The following SAXO1 variants were observed in gnomAD, a reference collection of about 807,000 sequenced individuals.
The protein encoded by SAXO1 is stabilizer of axonemal microtubules 1.
In SAXO1, 21 loss-of-function variants were observed where a neutral mutation model predicts 17.5. That is an observed-to-expected ratio of 1.20 (90% CI 0.85 to 1.72). The LOEUF (loss-of-function observed/expected upper bound fraction) is 1.72, where lower values mean the gene tolerates loss of function less well. Ranked by LOEUF, SAXO1 falls within the 40% of genes most tolerant of loss-of-function variation. The pLI is 0.00. For synonymous variants in SAXO1, 274 were observed against 216.5 expected, an observed-to-expected ratio of 1.27 and a Z score of -2.33; for missense variants, 843 against 596.0, an observed-to-expected ratio of 1.41 and a Z score of -4.32.
At chr9:19,015,173 G>T (rs896475670) in intron 1 of SAXO1, among the ~76,000 whole-genome samples, 4 of 152,028 alleles carry the variant, frequency 2.6e-5, no homozygotes, top group Admixed American at 6.6e-5. Context: ...AAAAAGATTT[G>T]CAAGTCTTAA....
At chr9:19,030,149 G>C (rs187392858) in intron 1 of SAXO1, among the ~76,000 whole-genome samples, 2 of 152,108 alleles carry the variant, frequency 1.3e-5, no homozygotes, top group East Asian at 1.9e-4. Context: ...CAGGAGGAGG[G>C]AACATAGGTA....
At chr9:19,044,968 G>C (rs1836172315) in intron 1 of SAXO1, among the ~76,000 whole-genome samples, 1 of 152,100 alleles carries the variant, frequency 6.6e-6, no homozygotes, top group Non-Finnish European at 1.5e-5. Context: ...GCATCAGTGA[G>C]AGCAGAGACT....
At chr9:19,039,567 T>G (rs1666028075) in intron 1 of SAXO1, among the ~76,000 whole-genome samples, 1 of 152,220 alleles carries the variant, frequency 6.6e-6, no homozygotes, top group Non-Finnish European at 1.5e-5. Context: ...TGATTTCTCA[T>G]TTGAGAAATT....
chr9:18,988,735 A>C (rs961393429), intron 1 of SAXO1, among the ~76,000 whole-genome samples: 1 of 152,192 alleles, frequency 6.6e-6, no homozygotes, highest in Non-Finnish European at 1.5e-5. Context: ...CTGTATCTTT[A>C]CTTTTATAAT....
chr9:18,950,344 T>A (rs1831978502), intron 2 of SAXO1, among the ~76,000 whole-genome samples: 1 of 152,100 alleles, frequency 6.6e-6, no homozygotes, highest in African/African-American at 2.4e-5. Context: ...TATTGCCAAG[T>A]TCCCTTTCAC....
At position 18,978,846 on chromosome 9, in the gene SAXO1, A is replaced by T. The variant is rs186176079; in HGVS notation, c.39-27909T>A. Among the ~76,000 whole-genome samples, 3 of 152,108 alleles carry T rather than the reference A, an allele frequency of 2.0e-5. No individual in the cohort carries two copies. In the East Asian group the frequency reaches 5.8e-4, roughly 29 times the overall value. ...AACCCCATGTTGAGCAGACACCAAA[A>T]CCGTATCAATCCCCAACTCTTCATG... is the stretch of plus-strand genomic sequence containing the variant. On this transcript the variant is annotated intron_variant, in intron 1 of 3. Transcript: ENST00000380534.
rs368740542 is a variant in SAXO1 at position 19,032,862 on chromosome 9, C to A, written c.38+9G>T. 2.5e-6 allele frequency: 4 copies of A among 1,609,920 alleles called. No individual in the cohort carries two copies. The African/African-American group carries it at 5.3e-5, about 21-fold the overall frequency. On this transcript the variant is annotated intron_variant, in intron 1 of 3. Coordinates refer to ENST00000380534, the MANE Select transcript of SAXO1 (RefSeq NM_153707.4). The stretch of plus-strand genomic sequence containing the variant: ...TCCCCCAGCCTTGCCCTGGGCGTGG[C>A]CACCTTACCCGCAGGAGCACAGTTC...
intron 2 of SAXO1, among the ~76,000 whole-genome samples, chr9:18,947,433 C>T (rs954855646): frequency 2.0e-5 from 3 of 152,116 alleles, no homozygotes; most frequent in Admixed American, 2.0e-4. Flanking sequence ...GCCTTTCAGC[C>T]ACACCCATCA....
intron 1 of SAXO1, among the ~76,000 whole-genome samples, chr9:19,011,999 C>A (rs1169997902): frequency 6.6e-6 from 1 of 152,052 alleles, no homozygotes; most frequent in African/African-American, 2.4e-5. Context: ...GCGCAGGTCA[C>A]CATGCCCGGC....
intron 1 of SAXO1, among the ~76,000 whole-genome samples, chr9:19,010,596 G>A (rs1411956318): frequency 2.6e-5 from 4 of 152,042 alleles, no homozygotes; most frequent in African/African-American, 9.7e-5. Flanking sequence ...GTTAGTCCTG[G>A]TAAAGGCCCT....
rs886752201 is a variant in SAXO1 at position 19,025,438 on chromosome 9, C to T, written c.38+7433G>A. On this transcript the variant is annotated intron_variant, in intron 1 of 3. Transcript: ENST00000380534. The stretch of plus-strand genomic sequence containing the variant: ...AATCTAAGGTTAAGGAAATTTCCAT[C>T]GATATGAAGAAAATATTTTCCAAAA... Among the ~76,000 whole-genome samples the T allele has an allele frequency of 3.9e-5, 6 of 152,126 alleles. 1 individual carries two copies. Among genetic ancestry groups the T allele is most frequent in the South Asian group, 2.1e-4 (1 of 4,814 alleles).
At chr9:19,029,470 C>T (rs1486653659) in intron 1 of SAXO1, among the ~76,000 whole-genome samples, 1 of 152,170 alleles carries the variant, frequency 6.6e-6, no homozygotes, top group Non-Finnish European at 1.5e-5. Context: ...TTGCTTTTTC[C>T]CATGACCTCA....
intron 3 of SAXO1, among the ~76,000 whole-genome samples, chr9:18,939,892 T>C (rs1394470356): frequency 6.6e-6 from 1 of 152,208 alleles, no homozygotes; most frequent in Non-Finnish European, 1.5e-5. Context: ...CAGATTGCCA[T>C]GTATAGAAGA....
chr9:18,966,603 T>A (rs868514237), intron 1 of SAXO1, among the ~76,000 whole-genome samples: 17 of 152,330 alleles, frequency 1.1e-4, no homozygotes, highest in Middle Eastern at 6.8e-3. Context: ...GTCATTTATA[T>A]TCTTCTCTAA....
At chr9:18,999,525 C>T (rs1184396471) in intron 1 of SAXO1, among the ~76,000 whole-genome samples, 5 of 149,470 alleles carry the variant, frequency 3.3e-5, no homozygotes, top group African/African-American at 1.2e-4. Flanking sequence ...GGCCTCTGCC[C>T]GGCCGCCACA....
At chr9:18,975,468 C>T (rs1317512732) in intron 1 of SAXO1, among the ~76,000 whole-genome samples, 1 of 152,208 alleles carries the variant, frequency 6.6e-6, no homozygotes, top group Admixed American at 6.5e-5. Context: ...TGCCAATTGG[C>T]ACCTGAAATG....
chr9:18,993,106 A>ATTT (rs201231209), intron 1 of SAXO1, among the ~76,000 whole-genome samples: 1 of 145,830 alleles, frequency 6.9e-6, no homozygotes, highest in Non-Finnish European at 1.5e-5. Flanking sequence ...AGCCAGAACA[A>ATTT]TTTTTTTTTT....
At chr9:18,983,039 C>G (rs1490104650) in intron 1 of SAXO1, among the ~76,000 whole-genome samples, 1 of 151,734 alleles carries the variant, frequency 6.6e-6, no homozygotes, top group Non-Finnish European at 1.5e-5. Context: ...GTAGAGTTAG[C>G]CAGACGGACC....
intron 1 of SAXO1, among the ~76,000 whole-genome samples, chr9:19,008,314 G>A (rs1033181607): frequency 3.3e-5 from 5 of 152,066 alleles, no homozygotes; most frequent in African/African-American, 9.7e-5. Flanking sequence ...GCTGATTTCT[G>A]ATCTAAATTA....
Sources: allele counts gnomAD v4.1 joint callset (sites outside exome capture counted in the v4.1 genomes callset), GRCh38; gene constraint gnomAD v4.1.1; transcripts MANE v1.5; gene names NCBI Gene and HGNC (gene_info 2026-07-23, HGNC 2026-07-21).